NCALD: variants seen among roughly 807,000 people sequenced by gnomAD.
The protein encoded by NCALD is neurocalcin delta, also known as neurocalcin-delta.
NCALD carries 10 observed loss-of-function variants against 18.6 expected under a neutral mutation model. That is an observed-to-expected ratio of 0.54 (90% CI 0.33 to 0.91). The LOEUF is 0.91. Ranked by LOEUF, NCALD falls within the 40% of genes least tolerant of loss-of-function variation. The pLI is 0.03. For synonymous variants in NCALD, 88 were observed against 87.4 expected (o/e 1.01, Z -0.04); for missense variants, 184 against 247.6 (o/e 0.74, Z 1.72).
At chr8:102,023,403 T>C (rs1422270769) in intron 1 of NCALD, among the ~76,000 whole-genome samples, 1 of 152,248 alleles carries the variant, frequency 6.6e-6, no homozygotes, top group Non-Finnish European at 1.5e-5. Context: ...GAGAAAAACA[T>C]CTCTTTTTTT....
chr8:102,028,761 A>AT (rs1198371467), intron 1 of NCALD, among the ~76,000 whole-genome samples: 1 of 152,214 alleles, frequency 6.6e-6, no homozygotes, highest in East Asian at 1.9e-4. Context: ...AGTATGATGC[A>AT]GCCCCAACCT....
At chr8:101,786,241 T>C (rs1429271379) in intron 1 of NCALD, among the ~76,000 whole-genome samples, 6 of 152,296 alleles carry the variant, frequency 3.9e-5, no homozygotes, top group Middle Eastern at 3.4e-3. Flanking sequence ...AAAGACTGAA[T>C]GTTTGAATAA....
At chr8:101,755,557 C>CA (rs1810842794) in intron 1 of NCALD, among the ~76,000 whole-genome samples, 1 of 152,124 alleles carries the variant, frequency 6.6e-6, no homozygotes, top group Admixed American at 6.6e-5. Context: ...TCCTGTCTCT[C>CA]AAAATATCTT....
chr8:102,066,511 T>C (rs1824013726), intron 1 of NCALD, among the ~76,000 whole-genome samples: 1 of 152,226 alleles, frequency 6.6e-6, no homozygotes, highest in South Asian at 2.1e-4. Context: ...GATTGAGGCA[T>C]AGCCTGGGAG....
chr8:101,960,676 T>C (rs1247926923), intron 2 of NCALD, among the ~76,000 whole-genome samples: 2 of 152,104 alleles, frequency 1.3e-5, no homozygotes, highest in Non-Finnish European at 2.9e-5. Flanking sequence ...GGAACAATAA[T>C]AACCATGAAT....
chr8:102,116,054 T>C lies in NCALD; in HGVS notation c.-210+8183A>G, dbSNP rs184086097. On this transcript the variant is annotated intron_variant, in intron 1 of 6. Transcript: ENST00000311028. ...GTTGCAAATGATCAAATCAAAAGCATTTAGAAAACCTCTACTGTGTCAGAA... is the reference window on the plus strand; with the variant it reads ...GTTGCAAATGATCAAATCAAAAGCACTTAGAAAACCTCTACTGTGTCAGAA... Among the ~76,000 whole-genome samples, 23 of 151,790 alleles carry C rather than the reference T, an allele frequency of 1.5e-4. No individual in the cohort carries two copies. In the East Asian group the frequency reaches 3.3e-3, roughly 22 times the overall value.
intron 4 of NCALD, among the ~76,000 whole-genome samples, chr8:101,856,458 A>AT (rs1395413034): frequency 6.6e-6 from 1 of 151,896 alleles, no homozygotes; most frequent in Non-Finnish European, 1.5e-5. Flanking sequence ...CTTTACTGTC[A>AT]TTTTTCACAT....
intron 1 of NCALD, among the ~76,000 whole-genome samples, chr8:102,057,413 A>C (rs1823692493): frequency 6.6e-6 from 1 of 152,174 alleles, no homozygotes; most frequent in African/African-American, 2.4e-5. Flanking sequence ...CGACCTCAAC[A>C]TCTGTGAGTA....
chr8:101,888,244 A>G (rs1221018197), intron 3 of NCALD, among the ~76,000 whole-genome samples: 1 of 152,170 alleles, frequency 6.6e-6, no homozygotes, highest in Non-Finnish European at 1.5e-5. Flanking sequence ...CCACCACAAC[A>G]GTGCTTGACA....
At chr8:101,897,887 C>T (rs1208136032) in intron 3 of NCALD, among the ~76,000 whole-genome samples, 3 of 152,142 alleles carry the variant, frequency 2.0e-5, no homozygotes, top group Non-Finnish European at 4.4e-5. Context: ...TCCCATAATT[C>T]CGTGTTGTAG....
intron 2 of NCALD, among the ~76,000 whole-genome samples, chr8:101,704,613 G>T (rs1314058331): frequency 2.0e-5 from 3 of 152,128 alleles, no homozygotes; most frequent in African/African-American, 7.2e-5. Context: ...AAGAAATTTA[G>T]ACATCATTTA....
At chr8:101,888,436 G>T (rs991135425) in intron 3 of NCALD, among the ~76,000 whole-genome samples, 1 of 151,702 alleles carries the variant, frequency 6.6e-6, no homozygotes, top group Non-Finnish European at 1.5e-5. Context: ...CAGAGTTCGG[G>T]AGACAGAGTT....
At chr8:101,832,247 T>C (rs1289104459) in intron 4 of NCALD, among the ~76,000 whole-genome samples, 2 of 151,994 alleles carry the variant, frequency 1.3e-5, no homozygotes, top group Non-Finnish European at 2.9e-5. Context: ...ACTCCCTCTC[T>C]CCCACTCTCT....
intron 1 of NCALD, among the ~76,000 whole-genome samples, chr8:102,087,727 C>G (rs184486463): frequency 2.6e-5 from 4 of 152,262 alleles, no homozygotes; most frequent in Admixed American, 1.3e-4. Flanking sequence ...TGTACAAGAC[C>G]ATGGGACATG....
intron 2 of NCALD, among the ~76,000 whole-genome samples, chr8:101,696,548 G>T (rs752307994): frequency 2.0e-5 from 3 of 152,196 alleles, no homozygotes; most frequent in Non-Finnish European, 4.4e-5. Context: ...TCAACAGAGT[G>T]TGGGGGCGTT....
intron 2 of NCALD, among the ~76,000 whole-genome samples, chr8:101,979,161 T>C (rs1312692792): frequency 2.0e-5 from 3 of 152,140 alleles, no homozygotes; most frequent in Admixed American, 6.5e-5. Context: ...AGATGACCAC[T>C]GGCAGGGGGA....
intron 4 of NCALD, among the ~76,000 whole-genome samples, chr8:101,816,577 G>A (rs1355879974): frequency 6.6e-6 from 1 of 152,106 alleles, no homozygotes; most frequent in African/African-American, 2.4e-5. Flanking sequence ...TCCTTATGAG[G>A]AGGGCTCCTG....
At chr8:101,822,616 G>T (rs1426652972) in intron 4 of NCALD, among the ~76,000 whole-genome samples, 4 of 152,212 alleles carry the variant, frequency 2.6e-5, no homozygotes, top group African/African-American at 4.8e-5. Flanking sequence ...AGTGGTGGCA[G>T]CCAGCAGTTC....
At chr8:102,051,472 C>T (rs973362574) in intron 1 of NCALD, among the ~76,000 whole-genome samples, 1 of 152,140 alleles carries the variant, frequency 6.6e-6, no homozygotes, top group South Asian at 2.1e-4. Context: ...TGTCAATTTA[C>T]CTATTCACCT....
Sources: gnomAD v4.1 joint callset for allele counts (sites outside exome capture counted in the v4.1 genomes callset) on GRCh38, gnomAD v4.1.1 for gene constraint, MANE v1.5 for transcripts, NCBI Gene and HGNC (gene_info 2026-07-23, HGNC 2026-07-21) for gene names.